ADAD1: variants seen among roughly 807,000 people sequenced by gnomAD.
The protein encoded by ADAD1 is adenosine deaminase domain-containing protein 1.
In ADAD1, 46 loss-of-function variants were observed where a neutral mutation model predicts 66.8. The ratio of observed to expected loss-of-function variants is 0.69; its 90% CI spans 0.54 to 0.88. ADAD1 has a LOEUF of 0.88. Among genes scored for constraint, ADAD1 ranks in the 40% least tolerant of loss-of-function variants. The pLI is 0.00. For synonymous variants in ADAD1, 248 were observed against 229.4 expected, an observed-to-expected ratio of 1.08 and a Z score of -0.73; for missense variants, 617 against 681.8, an observed-to-expected ratio of 0.91 and a Z score of 1.06.
chr4:122,379,993 T>G, intron 2 of ADAD1, 69 bp from the exon 3 acceptor site: 1 of 1,444,482 alleles, frequency 6.9e-7, no homozygotes, highest in Non-Finnish European at 9.3e-7. Context: ...GGGGTGGGGT[T>G]TGGAGTAAAT....
intron 10 of ADAD1, among the ~76,000 whole-genome samples, chr4:122,413,486 A>G (rs1452929182): frequency 6.6e-6 from 1 of 152,064 alleles, no homozygotes; most frequent in Admixed American, 6.6e-5. Context: ...TTCATTCTCA[A>G]GCTTTTTACA....
At chr4:122,412,413 A>G (rs988940888) in intron 9 of ADAD1, among the ~76,000 whole-genome samples, 167 bp from the exon 10 acceptor site, 1 of 152,120 alleles carries the variant, frequency 6.6e-6, no homozygotes, top group Non-Finnish European at 1.5e-5. Flanking sequence ...ACTATTGTAG[A>G]ATAAAGGCAC....
At chr4:122,384,659 A>C (rs990095128) in intron 5 of ADAD1, among the ~76,000 whole-genome samples, 1 of 152,194 alleles carries the variant, frequency 6.6e-6, no homozygotes. Flanking sequence ...CATCCAGTTA[A>C]ATTGTGAGAA....
intron 12 of ADAD1, among the ~76,000 whole-genome samples, chr4:122,428,170 C>T (rs1268747796): frequency 6.6e-6 from 1 of 151,912 alleles, no homozygotes; most frequent in African/African-American, 2.4e-5. Flanking sequence ...AACTATAAAA[C>T]TTTCAAATAA....
chr4:122,388,289 T>C lies in ADAD1; in HGVS notation c.529+4323T>C, dbSNP rs534964371. On this transcript the variant is annotated intron_variant, in intron 5 of 12. Transcript: ENST00000296513. The stretch of plus-strand genomic sequence containing the variant: ...TTTGCCAGTATTTCATTGAAGATTT[T>C]CCCATTGATGTTCATCAGGTATATT... Among the ~76,000 whole-genome samples, 4 of 152,336 alleles carry C rather than the reference T, an allele frequency of 2.6e-5. 1 individual carries two copies. In the South Asian group the frequency reaches 8.3e-4, roughly 32 times the overall value.
chr4:122,402,153 T>G (rs1796011947), intron 7 of ADAD1, among the ~76,000 whole-genome samples: 1 of 152,168 alleles, frequency 6.6e-6, no homozygotes, highest in Non-Finnish European at 1.5e-5. Flanking sequence ...TGTTTCAAGA[T>G]TCATAAGTCC....
rs75924348 is a variant in ADAD1, at chr4:122,381,911, G to A, written c.361+731G>A. 6.8e-3 allele frequency among the ~76,000 whole-genome samples: 1,029 copies of A among 152,246 alleles called. 9 individuals carry two copies. The highest frequency in any genetic ancestry group is 0.024 in the African/African-American group (992 of 41,546). The stretch of plus-strand genomic sequence containing the variant: ...AGGTTGTTTCTTTAATTTTCCTGGT[G>A]CTAACTTGCCAATATGGATCTCAAA... On this transcript the variant is annotated intron_variant, in intron 4 of 12. Transcript: ENST00000296513.
chr4:122,409,479 T>C lies in ADAD1; in HGVS notation c.848+1448T>C, dbSNP rs749918150. Among the ~76,000 whole-genome samples the C allele has an allele frequency of 7.4e-4, 113 of 152,302 alleles. 1 individual carries two copies. Among genetic ancestry groups the C allele is most frequent in the East Asian group, 3.9e-4 (2 of 5,180 alleles). On this transcript the variant is annotated intron_variant, in intron 8 of 12. Transcript: ENST00000296513. ...GGCATACAGTGCATAATAGTCACTT[T>C]AGGGTAAATGGAGTATGTATCACCT...
At chr4:122,379,970 T>G in intron 2 of ADAD1, 92 bp from the exon 3 acceptor site, 1 of 1,284,778 alleles carries the variant, frequency 7.8e-7, no homozygotes, top group Non-Finnish European at 1.1e-6. Flanking sequence ...AGGCCATTTA[T>G]GGAAATAATG....
At chr4:122,409,004 C>T (rs62321748) in intron 8 of ADAD1, among the ~76,000 whole-genome samples, 24 of 152,248 alleles carry the variant, frequency 1.6e-4, no homozygotes, top group Non-Finnish European at 3.4e-4. Flanking sequence ...TTATTTCACC[C>T]CTGAATTAGC....
At chr4:122,411,771 C>T (rs1223767902) in intron 9 of ADAD1, among the ~76,000 whole-genome samples, 1 of 152,224 alleles carries the variant, frequency 6.6e-6, no homozygotes, top group South Asian at 2.1e-4. Context: ...ATCTGAAACA[C>T]TTCTAGTTCC....
chr4:122,380,229 A>T lies in ADAD1; in HGVS notation c.160A>T (p.Thr54Ser), dbSNP rs1471128744. 3.1e-6 allele frequency: 5 copies of T among 1,607,898 alleles called. No homozygotes were observed. In the South Asian group the frequency reaches 5.6e-5, roughly 18 times the overall value. ...CCTGTCCAAGATGGCATCCAAGGTT[A>T]CGCAAGTAACGGGTACGACTTTTTT... ...YGLSKMASKV[T>S]QVTGNFPEPL... The change falls in exon 3 of 13, where the codon ACG becomes TCG. Residue 54 changes from threonine to serine, a missense_variant. Physicochemically the swap from Thr to Ser is moderately conservative, Grantham distance 58. Coordinates refer to ENST00000296513, the MANE Select transcript of ADAD1 (RefSeq NM_139243.4).
At chr4:122,382,411 C>G (rs1277919138) in intron 4 of ADAD1, among the ~76,000 whole-genome samples, 1 of 152,144 alleles carries the variant, frequency 6.6e-6, no homozygotes, top group African/African-American at 2.4e-5. Flanking sequence ...AGCTTAAAGG[C>G]TCCGCATTCT....
At position 122,415,664 on chromosome 4, in the gene ADAD1, A is replaced by G. The variant is rs369304138; in HGVS notation, c.1487+48A>G. 5 of 1,511,586 alleles carry G rather than the reference A, an allele frequency of 3.3e-6. No individual in the cohort carries two copies. In the African/African-American group the frequency reaches 6.9e-5, roughly 21 times the overall value. The allele number at this position is 1,511,586 out of a possible 1,614,324, so 93.6% of individuals were successfully genotyped here. On this transcript the variant is annotated intron_variant, in intron 11 of 12. Transcript: ENST00000296513. ...AACCATATATTACTTAAGCAAAAGA[A>G]GACATTTTATTGCAGTTTTTATTCT...
chr4:122,424,865 A>G (rs1797159279), intron 12 of ADAD1, among the ~76,000 whole-genome samples: 1 of 152,108 alleles, frequency 6.6e-6, no homozygotes, highest in Non-Finnish European at 1.5e-5. Flanking sequence ...AATAAATTGC[A>G]AGTTATAAGG....
intron 5 of ADAD1, among the ~76,000 whole-genome samples, chr4:122,392,744 A>G (rs920949309): frequency 8.5e-5 from 13 of 152,210 alleles, no homozygotes; most frequent in African/African-American, 2.9e-4. Context: ...AATTGTTACT[A>G]TATGGTATAT....
At chr4:122,382,638 C>T (rs1049960991) in intron 4 of ADAD1, among the ~76,000 whole-genome samples, 4 of 152,032 alleles carry the variant, frequency 2.6e-5, no homozygotes, top group African/African-American at 4.8e-5. Context: ...AGGCTGACCT[C>T]GAACTCCTGG....
intron 11 of ADAD1, among the ~76,000 whole-genome samples, chr4:122,420,881 A>G (rs1033018010): frequency 2.0e-5 from 3 of 152,168 alleles, no homozygotes; most frequent in Non-Finnish European, 4.4e-5. Flanking sequence ...ATTAATTTTG[A>G]TATATTTGTA....
At chr4:122,412,005 C>G (rs988259971) in intron 9 of ADAD1, among the ~76,000 whole-genome samples, 1 of 151,978 alleles carries the variant, frequency 6.6e-6, no homozygotes, top group Non-Finnish European at 1.5e-5. Flanking sequence ...GAATGAATAT[C>G]ATCAGGTAGC....
Sources: allele counts gnomAD v4.1 joint callset (sites outside exome capture counted in the v4.1 genomes callset), GRCh38; gene constraint gnomAD v4.1.1; transcripts MANE v1.5; gene names NCBI Gene and HGNC (gene_info 2026-07-23, HGNC 2026-07-21).